GALNTL6: variants seen among roughly 807,000 people sequenced by gnomAD.
GALNTL6 encodes the protein polypeptide N-acetylgalactosaminyltransferase-like 6.
GALNTL6 carries 46 observed loss-of-function variants against 73.7 expected under a neutral mutation model. The observed-to-expected ratio is 0.62, with a 90% CI of 0.49 to 0.80. The LOEUF is 0.80. Among genes scored for constraint, GALNTL6 ranks in the 30% least tolerant of loss-of-function variants. The pLI is 0.00. For synonymous variants in GALNTL6, 259 were observed against 263.7 expected (o/e 0.98, Z 0.17); for missense variants, 604 against 755.0 (o/e 0.80, Z 2.34).
intron 5 of GALNTL6, among the ~76,000 whole-genome samples, chr4:172,794,947 C>T (rs941217666): frequency 6.6e-6 from 1 of 152,084 alleles, no homozygotes; most frequent in African/African-American, 2.4e-5. Context: ...AATGATCATT[C>T]AGAGGAATGC....
At chr4:172,216,806 G>A (rs908332755) in intron 2 of GALNTL6, among the ~76,000 whole-genome samples, 4 of 152,036 alleles carry the variant, frequency 2.6e-5, no homozygotes, top group East Asian at 1.9e-4. Context: ...CAAGGTGGTC[G>A]GGGCGCAGCT....
intron 3 of GALNTL6, among the ~76,000 whole-genome samples, chr4:172,248,818 TGAA>T (rs1446226037): frequency 6.6e-6 from 1 of 152,162 alleles, no homozygotes; most frequent in Admixed American, 6.5e-5. Flanking sequence ...TGCCACTATG[TGAA>T]GAAGGATGTG....
At chr4:172,433,326 G>C (rs758893369) in intron 5 of GALNTL6, among the ~76,000 whole-genome samples, 3 of 152,024 alleles carry the variant, frequency 2.0e-5, no homozygotes, top group Admixed American at 2.0e-4. Flanking sequence ...AGGATTAAAA[G>C]TGTGTTCGTT....
At chr4:172,405,033 T>C (rs1197556856) in intron 5 of GALNTL6, among the ~76,000 whole-genome samples, 3 of 152,066 alleles carry the variant, frequency 2.0e-5, no homozygotes, top group Non-Finnish European at 4.4e-5. Flanking sequence ...TCCTTCAACA[T>C]GTAATTACTA....
chr4:171,992,437 A>G (rs1382304477), intron 2 of GALNTL6, among the ~76,000 whole-genome samples: 1 of 151,990 alleles, frequency 6.6e-6, no homozygotes, highest in African/African-American at 2.4e-5. Flanking sequence ...AAGTCTATGA[A>G]TTTCTTATGG....
intron 2 of GALNTL6, among the ~76,000 whole-genome samples, chr4:172,219,715 C>A (rs1736611910): frequency 6.6e-6 from 1 of 151,764 alleles, no homozygotes; most frequent in African/African-American, 2.4e-5. Flanking sequence ...ATTTTAAGTG[C>A]TTTTTCTTCT....
chr4:172,655,938 G>C (rs546294801), intron 5 of GALNTL6, among the ~76,000 whole-genome samples: 4 of 152,072 alleles, frequency 2.6e-5, no homozygotes, highest in Non-Finnish European at 4.4e-5. Context: ...TGTAACCATT[G>C]CTGATTTTAC....
chr4:172,434,449 G>A (rs1310611125), intron 5 of GALNTL6, among the ~76,000 whole-genome samples: 3 of 152,104 alleles, frequency 2.0e-5, no homozygotes, highest in Non-Finnish European at 2.9e-5. Flanking sequence ...TACAGATTAT[G>A]TTTTCTGAAA....
At chr4:172,489,275 GAC>G (rs926919184) in intron 5 of GALNTL6, among the ~76,000 whole-genome samples, 7 of 151,924 alleles carry the variant, frequency 4.6e-5, no homozygotes, top group East Asian at 1.9e-4. Flanking sequence ...CACGCACGCA[GAC>G]ACACACACAC....
At chr4:172,353,243 T>G (rs1463655954) in intron 5 of GALNTL6, among the ~76,000 whole-genome samples, 1 of 152,022 alleles carries the variant, frequency 6.6e-6, no homozygotes, top group African/African-American at 2.4e-5. Flanking sequence ...AAGATGGAGG[T>G]TGCAGTGAGC....
At chr4:172,004,100 C>T (rs923129222) in intron 2 of GALNTL6, among the ~76,000 whole-genome samples, 3 of 152,114 alleles carry the variant, frequency 2.0e-5, no homozygotes, top group African/African-American at 7.2e-5. Flanking sequence ...CATAAGTGGA[C>T]AACTTTCAAG....
chr4:172,709,634 C>T (rs1734570926), intron 5 of GALNTL6, among the ~76,000 whole-genome samples: 2 of 152,130 alleles, frequency 1.3e-5, no homozygotes, highest in African/African-American at 4.8e-5. Flanking sequence ...GACAGCTCCC[C>T]TGCCTACCTT....
intron 5 of GALNTL6, among the ~76,000 whole-genome samples, chr4:172,686,048 T>G (rs1732897954): frequency 6.6e-6 from 1 of 152,168 alleles, no homozygotes; most frequent in African/African-American, 2.4e-5. Flanking sequence ...ATATTCAAAA[T>G]AATTAGACCA....
intron 5 of GALNTL6, among the ~76,000 whole-genome samples, chr4:172,562,823 T>C (rs1266789098): frequency 2.0e-5 from 3 of 152,162 alleles, no homozygotes; most frequent in Non-Finnish European, 4.4e-5. Flanking sequence ...CCACCACCAC[T>C]GTCTAGATAG....
At chr4:172,476,009 C>G (rs1733217472) in intron 5 of GALNTL6, among the ~76,000 whole-genome samples, 1 of 152,192 alleles carries the variant, frequency 6.6e-6, no homozygotes, top group Non-Finnish European at 1.5e-5. Context: ...AACTGCAATA[C>G]TATAAGTGAT....
chr4:172,225,606 A>G (rs905493070), intron 2 of GALNTL6, among the ~76,000 whole-genome samples: 1 of 151,940 alleles, frequency 6.6e-6, no homozygotes, highest in Non-Finnish European at 1.5e-5. Flanking sequence ...AGTTCCCATG[A>G]TGGCCGGGTG....
intron 2 of GALNTL6, among the ~76,000 whole-genome samples, chr4:171,907,569 C>T (rs1178107717): frequency 6.6e-6 from 1 of 151,982 alleles, no homozygotes; most frequent in Non-Finnish European, 1.5e-5. Context: ...GCCATACTGT[C>T]CAAGGTAATT....
chr4:172,550,294 G>C (rs550978929), intron 5 of GALNTL6, among the ~76,000 whole-genome samples: 1 of 152,138 alleles, frequency 6.6e-6, no homozygotes, highest in South Asian at 2.1e-4. Context: ...GAGAGTTCCC[G>C]CTTTCTCATA....
intron 2 of GALNTL6, among the ~76,000 whole-genome samples, chr4:171,955,512 T>C (rs1485308358): frequency 6.6e-6 from 1 of 152,048 alleles, no homozygotes; most frequent in Admixed American, 6.6e-5. Context: ...AAATAAAAGG[T>C]ATATTGTTTG....
Sources: gnomAD v4.1 joint callset for allele counts (sites outside exome capture counted in the v4.1 genomes callset) on GRCh38, gnomAD v4.1.1 for gene constraint, MANE v1.5 for transcripts, NCBI Gene and HGNC (gene_info 2026-07-23, HGNC 2026-07-21) for gene names.